The following RAVER2 variants were observed in gnomAD, a reference collection of about 807,000 sequenced individuals.
The protein encoded by RAVER2 is ribonucleoprotein PTB-binding 2.
Under a neutral mutation model 78.1 loss-of-function variants are expected in RAVER2, and 46 were observed. The ratio of observed to expected loss-of-function variants is 0.59; its 90% CI spans 0.46 to 0.75. The LOEUF (loss-of-function observed/expected upper bound fraction) is 0.75, where lower values mean the gene tolerates loss of function less well. Ranked by LOEUF, RAVER2 falls within the 30% of genes least tolerant of loss-of-function variation. The probability of loss-of-function intolerance (pLI) is 0.00; values close to 1 mark genes in which losing one functional copy is unlikely to be tolerated. For missense variants in RAVER2, 793 were observed against 837.5 expected (o/e 0.95, Z 0.66); for synonymous variants, 311 against 313.3 (o/e 0.99, Z 0.08).
chr1:64,804,970 C>A (rs1334529862), intron 7 of RAVER2, 21 bp from the exon 8 acceptor site: 2 of 1,609,178 alleles, frequency 1.2e-6, no homozygotes, highest in African/African-American at 1.3e-5. Context: ...ATGGGTCTTA[C>A]CTTTTTTTCT....
intron 1 of RAVER2, 129 bp from the exon 2 acceptor site, chr1:64,768,527 G>T: frequency 1.5e-6 from 1 of 659,604 alleles, no homozygotes; most frequent in Non-Finnish European, 2.7e-6. Flanking sequence ...GGGGATCCAT[G>T]AAATAATTTT....
chr1:64,771,727 T>C (rs1166686122), intron 2 of RAVER2, among the ~76,000 whole-genome samples: 1 of 152,022 alleles, frequency 6.6e-6, no homozygotes, highest in Non-Finnish European at 1.5e-5. Context: ...CAATTGACTG[T>C]GATAAGTTAA....
chr1:64,791,189 A>G (rs900190920), intron 5 of RAVER2, among the ~76,000 whole-genome samples: 1 of 152,172 alleles, frequency 6.6e-6, no homozygotes, highest in Non-Finnish European at 1.5e-5. Context: ...AAATCAGGCC[A>G]TGTCACCCTC....
At chr1:64,804,651 G>T (rs1184482008) in intron 6 of RAVER2, 83 bp from the exon 7 acceptor site, 2 of 667,712 alleles carry the variant, frequency 3.0e-6, no homozygotes, top group Non-Finnish European at 5.3e-6. Flanking sequence ...AGATCGACTG[G>T]AGAATTGAAC....
intron 6 of RAVER2, among the ~76,000 whole-genome samples, chr1:64,804,387 A>G (rs1380140341): frequency 6.6e-6 from 1 of 152,150 alleles, no homozygotes; most frequent in Non-Finnish European, 1.5e-5. Flanking sequence ...ACTTCTCACT[A>G]AGTAGCACAG....
At chr1:64,798,192 C>A (rs1411935253) in intron 5 of RAVER2, among the ~76,000 whole-genome samples, 1 of 130,994 alleles carries the variant, frequency 7.6e-6, no homozygotes, top group East Asian at 2.2e-4. Flanking sequence ...TTTGTTCTTG[C>A]GATAGTTTAC....
intron 1 of RAVER2, among the ~76,000 whole-genome samples, chr1:64,753,060 C>A (rs992703502): frequency 1.3e-5 from 2 of 152,146 alleles, no homozygotes; most frequent in African/African-American, 2.4e-5. Flanking sequence ...CAAGTTGGAT[C>A]TTTTGTTACT....
exon 9 of RAVER2, chr1:64,807,225 T>G: frequency 6.2e-7 from 1 of 1,613,858 alleles, no homozygotes; most frequent in Non-Finnish European, 8.5e-7. Context: ...TGATTCCAAC[T>G]CAAACAACGA....
chr1:64,805,128 G>A (rs547732604), intron 8 of RAVER2, 23 bp downstream of exon 8: 2 of 1,555,018 alleles, frequency 1.3e-6, no homozygotes, highest in Admixed American at 3.4e-5. Flanking sequence ...TATTTACTGA[G>A]AAGTCAGTAA....
At chr1:64,821,672 A>T (rs548536634) in intron 11 of RAVER2, among the ~76,000 whole-genome samples, 2 of 152,178 alleles carry the variant, frequency 1.3e-5, no homozygotes, top group South Asian at 4.1e-4. Flanking sequence ...TGGGGTAAAG[A>T]CTCCCTATTC....
At chr1:64,812,227 A>T (rs310239) in intron 9 of RAVER2, among the ~76,000 whole-genome samples, 93,079 of 151,536 alleles carry the variant, frequency 0.61, 31,484 homozygotes, top group East Asian at 0.91. Context: ...CCAGGCATGG[A>T]GGTGCGGGCC....
chr1:64,809,406 A>G (rs1249796780), intron 9 of RAVER2, among the ~76,000 whole-genome samples: 2 of 152,056 alleles, frequency 1.3e-5, no homozygotes, highest in East Asian at 3.9e-4. Context: ...TTTGCTTCAG[A>G]TGTTTAGACC....
intron 4 of RAVER2, among the ~76,000 whole-genome samples, chr1:64,783,029 C>T (rs930062741): frequency 6.6e-6 from 1 of 152,128 alleles, no homozygotes; most frequent in Non-Finnish European, 1.5e-5. Context: ...TGGTTTCCAG[C>T]TTCATGCATG....
chr1:64,769,496 T>G (rs571737487), intron 2 of RAVER2, among the ~76,000 whole-genome samples: 1 of 152,196 alleles, frequency 6.6e-6, no homozygotes, highest in South Asian at 2.1e-4. Flanking sequence ...TCTTGTTCTT[T>G]TTCTTCTGAG....
At chr1:64,803,461 T>C (rs538743444) in intron 6 of RAVER2, among the ~76,000 whole-genome samples, 34 of 152,284 alleles carry the variant, frequency 2.2e-4, no homozygotes, top group African/African-American at 7.7e-4. Context: ...ATAACTCATG[T>C]ATATGAGAAT....
chr1:64,787,647 C>G (rs1403650818), intron 4 of RAVER2, among the ~76,000 whole-genome samples: 2 of 152,198 alleles, frequency 1.3e-5, no homozygotes, highest in African/African-American at 2.4e-5. Flanking sequence ...CTAGTGTTAT[C>G]TTGTCCCCAT....
rs983422067 is a variant in RAVER2, at chr1:64,795,949, T to A, written c.1105+6435T>A. On this transcript the variant is annotated intron_variant, in intron 5 of 11. Coordinates refer to ENST00000294428, the Ensembl canonical transcript of RAVER2. Reference sequence around the variant, plus strand: ...AGAGTTTTTTTTCACAGATTTCTTTTATTAAGCTGCGGAATTTACCATCTA... The same window carrying A: ...AGAGTTTTTTTTCACAGATTTCTTTAATTAAGCTGCGGAATTTACCATCTA... Among the ~76,000 whole-genome samples, 13 of 152,166 alleles carry A rather than the reference T, an allele frequency of 8.5e-5. No homozygotes were observed. The East Asian group carries it at 2.5e-3, about 29-fold the overall frequency.
rs886162790 is a variant in RAVER2, at chr1:64,745,890, G to A, written c.249+469G>A. Among the ~76,000 whole-genome samples the A allele has an allele frequency of 6.6e-6, 1 of 152,198 alleles. No individual in the cohort carries two copies. Among genetic ancestry groups the A allele is most frequent in the Admixed American group, 6.5e-5 (1 of 15,286 alleles). On this transcript the variant is annotated intron_variant, in intron 1 of 11. Transcript: ENST00000294428. This position sits in a 1 kb window ranked among gnomAD's most constrained non-coding sequence, Gnocchi z 4.3. ...CCATAGGGGGCAGGGGCACGAGAGA[G>A]CTGGGAGTGAGTTTCGCTGTTGTTG...
chr1:64,778,606 A>G (rs1652538376), intron 3 of RAVER2, among the ~76,000 whole-genome samples: 1 of 152,120 alleles, frequency 6.6e-6, no homozygotes, highest in South Asian at 2.1e-4. Context: ...TGGTCACGGT[A>G]GGTGAGACAT....
Sources: allele counts gnomAD v4.1 joint callset (sites outside exome capture counted in the v4.1 genomes callset), GRCh38; gene constraint gnomAD v4.1.1; non-coding constraint Gnocchi (gnomAD v3.1); transcripts MANE v1.5; gene names NCBI Gene and HGNC (gene_info 2026-07-23, HGNC 2026-07-21).